GLRA3: variants seen among roughly 807,000 people sequenced by gnomAD.
GLRA3 encodes the protein glycine receptor subunit alpha-3.
GLRA3 carries 44 observed loss-of-function variants against 60.4 expected under a neutral mutation model. That is an observed-to-expected ratio of 0.73 (90% CI 0.57 to 0.94). GLRA3 has a LOEUF of 0.94. Among genes scored for constraint, GLRA3 ranks in the 40% least tolerant of loss-of-function variants. The pLI is 0.00. For synonymous variants in GLRA3, 223 were observed against 192.9 expected (o/e 1.16, Z -1.29); for missense variants, 508 against 564.6 (o/e 0.90, Z 1.02).
Position 174,682,899 on chromosome 4 carries a change from A to T in GLRA3, c.615T>A (p.Asp205Glu). 6.2e-7 allele frequency: 1 copy of T among 1,613,228 alleles called. No homozygotes were observed. Among genetic ancestry groups the T allele is most frequent in the Non-Finnish European group, 8.5e-7 (1 of 1,179,174 alleles). Residue 205 changes from aspartate to glutamate, a missense_variant, in exon 6 of 10, where the codon GAT becomes GAA. By Grantham distance (45) the Asp-to-Glu change is conservative. Coordinates refer to ENST00000274093, the MANE Select transcript of GLRA3 (RefSeq NM_006529.4). The stretch of plus-strand genomic sequence containing the variant: ...CTTCTGCCACTTGTACGGGTGCCTC[A>T]TCTTGCCATTCAAAAATGAGATCAT... ...TMNDLIFEWQ[D>E]EAPVQVAEGL...
intron 1 of GLRA3, among the ~76,000 whole-genome samples, chr4:174,797,188 A>T (rs975747299): frequency 6.6e-6 from 1 of 152,224 alleles, no homozygotes; most frequent in Non-Finnish European, 1.5e-5. Flanking sequence ...TGAATTTTGG[A>T]TAAGAAACTT....
chr4:174,811,888 A>G (rs1299015170), intron 1 of GLRA3, among the ~76,000 whole-genome samples: 6 of 152,204 alleles, frequency 3.9e-5, no homozygotes, highest in African/African-American at 1.4e-4. Flanking sequence ...TTTTCTAGTC[A>G]TAATTTCAAA....
chr4:174,780,791 C>A (rs1300538303), intron 2 of GLRA3, among the ~76,000 whole-genome samples: 2 of 152,058 alleles, frequency 1.3e-5, no homozygotes, highest in African/African-American at 2.4e-5. Context: ...GCACCCAATA[C>A]AGGAGCACCC....
chr4:174,757,771 TA>T (rs1258069691), intron 3 of GLRA3, among the ~76,000 whole-genome samples: 4 of 152,178 alleles, frequency 2.6e-5, no homozygotes, highest in Non-Finnish European at 5.9e-5. Context: ...TTTATCCCCT[TA>T]AGTTGGGCTA....
At chr4:174,784,369 A>G (rs1287715239) in intron 2 of GLRA3, among the ~76,000 whole-genome samples, 1 of 146,602 alleles carries the variant, frequency 6.8e-6, no homozygotes, top group Non-Finnish European at 1.5e-5. Flanking sequence ...CTAATGCTAG[A>G]TGACGAGTTA....
chr4:174,670,501 G>A (rs1230761070), intron 7 of GLRA3, among the ~76,000 whole-genome samples: 1 of 152,134 alleles, frequency 6.6e-6, no homozygotes, highest in Non-Finnish European at 1.5e-5. Flanking sequence ...ATATATGAAC[G>A]TGGTGGATGA....
intron 5 of GLRA3, among the ~76,000 whole-genome samples, chr4:174,711,508 T>C (rs1051041952): frequency 2.6e-5 from 4 of 151,462 alleles, no homozygotes; most frequent in African/African-American, 9.7e-5. Flanking sequence ...GGCACCATCT[T>C]GGCTCACTGC....
chr4:174,828,437 A>G (rs1741067276), intron 1 of GLRA3, among the ~76,000 whole-genome samples: 1 of 152,222 alleles, frequency 6.6e-6, no homozygotes, highest in Non-Finnish European at 1.5e-5. Context: ...ATTCACTTAG[A>G]AAACGGGAAC....
chr4:174,803,603 C>G (rs931055523), intron 1 of GLRA3, among the ~76,000 whole-genome samples: 2 of 152,164 alleles, frequency 1.3e-5, no homozygotes, highest in African/African-American at 4.8e-5. Flanking sequence ...TTTAGTAAAA[C>G]AAATGATGTG....
intron 5 of GLRA3, among the ~76,000 whole-genome samples, chr4:174,691,469 C>G (rs566705203): frequency 1.3e-5 from 2 of 152,114 alleles, no homozygotes; most frequent in Admixed American, 1.3e-4. Flanking sequence ...GCTGCCATCT[C>G]GGCTCACTGC....
intron 1 of GLRA3, among the ~76,000 whole-genome samples, chr4:174,804,940 C>T (rs765951939): frequency 6.6e-6 from 1 of 152,090 alleles, no homozygotes; most frequent in Non-Finnish European, 1.5e-5. Context: ...GCCATGTTGC[C>T]TGGTTCTTTA....
chr4:174,806,091 T>C (rs1026499036), intron 1 of GLRA3, among the ~76,000 whole-genome samples: 3 of 152,170 alleles, frequency 2.0e-5, no homozygotes, highest in Non-Finnish European at 4.4e-5. Context: ...ATAACTCCTG[T>C]TCTTGTTCCT....
intron 2 of GLRA3, among the ~76,000 whole-genome samples, chr4:174,770,793 A>C (rs1363670077): frequency 6.6e-6 from 1 of 152,062 alleles, no homozygotes; most frequent in Admixed American, 6.6e-5. Flanking sequence ...TAAAATTTGT[A>C]AGATGAGAGC....
intron 5 of GLRA3, among the ~76,000 whole-genome samples, chr4:174,711,448 T>TC: frequency 1.4e-5 from 2 of 146,320 alleles, no homozygotes. Flanking sequence ...TATATATATT[T>TC]TTTTTTTTTT....
chr4:174,678,163 A>G (rs1406963511), intron 6 of GLRA3, among the ~76,000 whole-genome samples: 1 of 152,194 alleles, frequency 6.6e-6, no homozygotes, highest in Admixed American at 6.5e-5. Flanking sequence ...AAAGGGATCC[A>G]TTTGTACTAT....
At chr4:174,715,593 T>G in intron 4 of GLRA3, 23 bp from the exon 5 acceptor site, 1 of 1,102,394 alleles carries the variant, frequency 9.1e-7, no homozygotes, top group Non-Finnish European at 1.4e-6. Flanking sequence ...GTAATTATTT[T>G]TAAAGGAAAT....
chr4:174,824,396 G>A (rs1023730254), intron 1 of GLRA3, among the ~76,000 whole-genome samples: 1 of 152,110 alleles, frequency 6.6e-6, no homozygotes, highest in Admixed American at 6.6e-5. Context: ...AAGAAGAACC[G>A]ATAGGGATAT....
intron 1 of GLRA3, among the ~76,000 whole-genome samples, chr4:174,795,923 A>C (rs954419433): frequency 6.6e-6 from 1 of 152,218 alleles, no homozygotes; most frequent in Non-Finnish European, 1.5e-5. Flanking sequence ...ACAGGAATCA[A>C]AACCAAACTC....
At chr4:174,821,690 A>G (rs1740746900) in intron 1 of GLRA3, among the ~76,000 whole-genome samples, 1 of 152,160 alleles carries the variant, frequency 6.6e-6, no homozygotes, top group African/African-American at 2.4e-5. Flanking sequence ...TATACATTAC[A>G]TTACACAATA....
Sources: allele counts gnomAD v4.1 joint callset (sites outside exome capture counted in the v4.1 genomes callset), GRCh38; gene constraint gnomAD v4.1.1; transcripts MANE v1.5; gene names NCBI Gene and HGNC (gene_info 2026-07-23, HGNC 2026-07-21).